Variants in PIEZO1 observed in about 807,000 individuals in gnomAD.
The protein encoded by PIEZO1 is piezo type mechanosensitive ion channel component 1 (Er blood group), also known as piezo-type mechanosensitive ion channel component 1.
Under a neutral mutation model 297.2 loss-of-function variants are expected in PIEZO1, and 296 were observed. That is an observed-to-expected ratio of 1.00 (90% CI 0.91 to 1.10). The LOEUF (loss-of-function observed/expected upper bound fraction) is 1.10. Among genes scored for constraint, PIEZO1 ranks in the 50% least tolerant of loss-of-function variants. PIEZO1 has a pLI of 0.00. For synonymous variants in PIEZO1, 2,427 were observed against 1,507.5 expected (o/e 1.61, Z -14.13); for missense variants, 5,018 against 3,455.5 (o/e 1.45, Z -11.34).
At position 88,725,987 on chromosome 16, in the gene PIEZO1, C is replaced by G. The variant is rs144326867; in HGVS notation, c.3968+297G>C. The G allele has an allele frequency of 4.1e-3, 2,353 of 568,528 alleles. 14 individuals are homozygous for G. The highest frequency in any genetic ancestry group is 5.3e-3 in the Non-Finnish European group (1,688 of 319,776). The allele number at this position is 568,528 out of a possible 1,614,324, so 35.2% of individuals were successfully genotyped here. A position where few individuals can be genotyped will look rare whatever the true frequency, so the allele number is the denominator to read the frequency against. On this transcript the variant is annotated intron_variant, in intron 27 of 50. Coordinates refer to ENST00000301015, the MANE Select transcript of PIEZO1 (RefSeq NM_001142864.4). Reference sequence around the variant, plus strand: ...TCCCTGGGGCAGTCGTGACACCACACAGTGGCCCTCCCGCTGGTGGAGAAA... The same window carrying G: ...TCCCTGGGGCAGTCGTGACACCACAGAGTGGCCCTCCCGCTGGTGGAGAAA...
At chr16:88,727,217 G>A (rs1046970762) in intron 23 of PIEZO1, 25 bp from the exon 24 acceptor site, 1 of 1,512,748 alleles carries the variant, frequency 6.6e-7, no homozygotes, top group Non-Finnish European at 8.9e-7. Context: ...AGCCGCCGCT[G>A]TGCCACACGG....
At chr16:88,731,515 G>C (rs753784420) in intron 22 of PIEZO1, 191 bp downstream of exon 22, 1 of 589,438 alleles carries the variant, frequency 1.7e-6, no homozygotes, top group Admixed American at 3.1e-5. Context: ...CCTGGAGGGG[G>C]CCAGGCCGCC....
intron 23 of PIEZO1, 89 bp downstream of exon 23, chr16:88,727,468 C>T (rs934132724): frequency 4.3e-5 from 28 of 652,918 alleles, no homozygotes; most frequent in East Asian, 3.6e-4. Context: ...CGCCCGTGCA[C>T]GCCTGTGTGC....
intron 2 of PIEZO1, among the ~76,000 whole-genome samples, chr16:88,744,786 T>C (rs923027136): frequency 6.6e-6 from 1 of 151,848 alleles, no homozygotes; most frequent in African/African-American, 2.4e-5. Context: ...AGGCCACTCC[T>C]GGCCACGTGG....
chr16:88,737,511 C>CGGGGGGGG, intron 10 of PIEZO1, 48 bp downstream of exon 10: 1 of 1,327,912 alleles, frequency 7.5e-7, no homozygotes, highest in Non-Finnish European at 1.0e-6. Flanking sequence ...CACCGGCCTC[C>CGGGGGGGG]GCCCCGCCCC....
chr16:88,746,017 G>A (rs1906033906), intron 2 of PIEZO1, among the ~76,000 whole-genome samples: 3 of 152,216 alleles, frequency 2.0e-5, no homozygotes, highest in African/African-American at 4.8e-5. Context: ...TGTGGGGAGT[G>A]TGGAGTTGCC....
intron 1 of PIEZO1, among the ~76,000 whole-genome samples, chr16:88,754,560 C>T (rs1906559495): frequency 6.6e-6 from 1 of 152,128 alleles, no homozygotes; most frequent in Non-Finnish European, 1.5e-5. Context: ...CTGGCCTCCT[C>T]TAACACGGGC....
At position 88,715,490 on chromosome 16, in the gene PIEZO1, C is replaced by G. The variant is rs1911924342; in HGVS notation, c.*115G>C. ...GCTCAGGCAGGCCGGGAGGATGCAT[C>G]ACAGCTGGCGGCCTTGGACGGGGCA... On this transcript the variant is annotated 3_prime_UTR_variant, in exon 51 of 51. Transcript: ENST00000301015. 1 of 1,145,962 alleles carries G rather than the reference C, an allele frequency of 8.7e-7. No homozygotes were observed. Among genetic ancestry groups the G allele is most frequent in the Non-Finnish European group, 1.2e-6 (1 of 812,730 alleles). 71.0% of individuals were successfully genotyped at this position (1,145,962 alleles called of 1,614,324 possible).
At chr16:88,759,932 C>T (rs997058628) in intron 1 of PIEZO1, among the ~76,000 whole-genome samples, 1 of 152,154 alleles carries the variant, frequency 6.6e-6, no homozygotes, top group Non-Finnish European at 1.5e-5. Context: ...GAGGCCGAGC[C>T]CGGCCAGGCC....
rs4424896 is a variant in PIEZO1, at chr16:88,726,695, C to A, written c.3699+20G>T. The A allele has an allele frequency of 1.0e-5, 16 of 1,540,832 alleles. No individual in the cohort carries two copies. Among genetic ancestry groups the A allele is most frequent in the Non-Finnish European group, 1.4e-5 (16 of 1,140,322 alleles). On this transcript the variant is annotated intron_variant, in intron 25 of 50. Coordinates refer to ENST00000301015, the MANE Select transcript of PIEZO1 (RefSeq NM_001142864.4). Reference sequence around the variant, plus strand: ...CAGCGGGGCCCCAGGGCGGTGGGTGCGGGGGGGCCGGAGGCTCACCGACAG... The same window carrying A: ...CAGCGGGGCCCCAGGGCGGTGGGTGAGGGGGGGCCGGAGGCTCACCGACAG...
intron 1 of PIEZO1, among the ~76,000 whole-genome samples, chr16:88,757,328 G>GGGC (rs1567687602): frequency 2.0e-5 from 1 of 49,596 alleles, no homozygotes; most frequent in African/African-American, 1.5e-4. Flanking sequence ...GCGGGGGGGT[G>GGGC]GGGGGTAGTT....
At chr16:88,780,895 T>G (rs1907902644) in intron 1 of PIEZO1, among the ~76,000 whole-genome samples, 1 of 152,172 alleles carries the variant, frequency 6.6e-6, no homozygotes, top group Admixed American at 6.5e-5. Flanking sequence ...AGGCTGAAGT[T>G]GTAGGGAGCC....
chr16:88,762,358 G>C (rs1906971722), intron 1 of PIEZO1, among the ~76,000 whole-genome samples: 1 of 152,174 alleles, frequency 6.6e-6, no homozygotes, highest in African/African-American at 2.4e-5. Flanking sequence ...TCCCCCACCT[G>C]AGGTCAGTGA....
intron 22 of PIEZO1, chr16:88,731,477 G>A (rs939885926): frequency 3.5e-6 from 2 of 568,084 alleles, no homozygotes; most frequent in South Asian, 4.4e-5. Context: ...TAGAATACTG[G>A]GCAAAAAAGG....
At chr16:88,762,125 C>T (rs947084277) in intron 1 of PIEZO1, among the ~76,000 whole-genome samples, 33 of 152,282 alleles carry the variant, frequency 2.2e-4, no homozygotes, top group East Asian at 7.7e-4. Context: ...CTGACGGAGC[C>T]GACCCTATGC....
chr16:88,725,816 C>A (rs987488147), intron 27 of PIEZO1, 132 bp from the exon 28 acceptor site: 6 of 630,076 alleles, frequency 9.5e-6, no homozygotes, highest in African/African-American at 9.2e-5. Flanking sequence ...GAGGCACCCA[C>A]GGGGGAGGCA....
intron 30 of PIEZO1, among the ~76,000 whole-genome samples, chr16:88,724,406 C>G (rs144282449): frequency 1.3e-5 from 2 of 152,140 alleles, no homozygotes; most frequent in South Asian, 4.1e-4. Flanking sequence ...TGGCGGGCAC[C>G]TGTAATCCCA....
intron 1 of PIEZO1, among the ~76,000 whole-genome samples, chr16:88,776,088 A>G (rs903199800): frequency 6.6e-6 from 1 of 152,150 alleles, no homozygotes; most frequent in Non-Finnish European, 1.5e-5. Context: ...GTTTCCTTTC[A>G]GGTTAAACAC....
intron 1 of PIEZO1, among the ~76,000 whole-genome samples, chr16:88,772,435 G>A (rs977810785): frequency 2.0e-5 from 3 of 152,178 alleles, no homozygotes; most frequent in African/African-American, 7.2e-5. Context: ...GGAGCCTGCA[G>A]GCCCCAGCCC....
Sources: gnomAD v4.1 joint callset for allele counts (sites outside exome capture counted in the v4.1 genomes callset) on GRCh38, gnomAD v4.1.1 for gene constraint, MANE v1.5 for transcripts, NCBI Gene and HGNC (gene_info 2026-07-23, HGNC 2026-07-21) for gene names.